ITGA11: variants seen among roughly 807,000 people sequenced by gnomAD.
ITGA11 encodes integrin alpha-11.
A neutral mutation model predicts 141.9 loss-of-function variants in ITGA11; 97 were observed. That is an observed-to-expected ratio of 0.68 (90% CI 0.58 to 0.81). The LOEUF is 0.81. Ranked by LOEUF, ITGA11 falls within the 30% of genes least tolerant of loss-of-function variation. The probability of loss-of-function intolerance (pLI) is 0.00; values close to 1 mark genes in which losing one functional copy is unlikely to be tolerated. For synonymous variants in ITGA11, 658 were observed against 624.6 expected, an observed-to-expected ratio of 1.05 and a Z score of -0.80; for missense variants, 1,387 against 1,559.2, an observed-to-expected ratio of 0.89 and a Z score of 1.86.
At chr15:68,398,830 T>C (rs983816096) in intron 2 of ITGA11, among the ~76,000 whole-genome samples, 2 of 182 alleles carry the variant, frequency 0.011, no homozygotes, top group Non-Finnish European at 0.029. Flanking sequence ...GTATAAAATA[T>C]AAATATTTTA....
In ITGA11 at chr15:68,335,200, G is replaced by A. The variant is rs1454468670; in HGVS notation, c.1425+497C>T. Among the ~76,000 whole-genome samples, 1 of 152,156 alleles carries A rather than the reference G, an allele frequency of 6.6e-6. No individual in the cohort carries two copies. Among genetic ancestry groups the A allele is most frequent in the Non-Finnish European group, 1.5e-5 (1 of 68,030 alleles). On this transcript the variant is annotated intron_variant, in intron 12 of 29. Transcript: ENST00000315757. This position sits in a 1 kb window ranked among gnomAD's most constrained non-coding sequence, Gnocchi z 4.9. ...ATTTGGGGTCAGGAGGTGGCATGAT[G>A]CAGGCAGCCCCACCAAGAGGGTTCT... is the stretch of plus-strand genomic sequence containing the variant.
At position 68,335,203 on chromosome 15, in the gene ITGA11, G is replaced by T. The variant is rs894100637; in HGVS notation, c.1425+494C>A. On this transcript the variant is annotated intron_variant, in intron 12 of 29. Transcript: ENST00000315757. This position sits in a 1 kb window ranked among gnomAD's most constrained non-coding sequence, Gnocchi z 4.9. Reference sequence around the variant, plus strand: ...TGGGGTCAGGAGGTGGCATGATGCAGGCAGCCCCACCAAGAGGGTTCTTGG... The same window carrying T: ...TGGGGTCAGGAGGTGGCATGATGCATGCAGCCCCACCAAGAGGGTTCTTGG... Among the ~76,000 whole-genome samples the T allele has an allele frequency of 3.3e-4, 50 of 152,242 alleles. No homozygotes were observed. The highest frequency in any genetic ancestry group is 1.2e-3 in the African/African-American group (48 of 41,532).
chr15:68,303,266 C>G lies in ITGA11; in HGVS notation c.3496-136G>C, dbSNP rs1893087772. The G allele has an allele frequency of 1.6e-5, 12 of 730,196 alleles. No individual in the cohort carries two copies. The highest frequency in any genetic ancestry group is 3.3e-4 in the Middle Eastern group (1 of 2,996). 45.2% of individuals were successfully genotyped at this position (730,196 alleles called of 1,614,324 possible). ...GTACCCCCAGCTCATTCTGAGCACC[C>G]CCTCCTCCAGAACTGCCTCTGTGGA... On this transcript the variant is annotated intron_variant, in intron 29 of 29. Coordinates refer to ENST00000315757, the MANE Select transcript of ITGA11 (RefSeq NM_001004439.2). This position sits in a 1 kb window ranked among gnomAD's most constrained non-coding sequence, Gnocchi z 5.3.
intron 2 of ITGA11, among the ~76,000 whole-genome samples, chr15:68,369,720 A>G (rs1895529529): frequency 6.6e-6 from 1 of 152,210 alleles, no homozygotes; most frequent in African/African-American, 2.4e-5. Flanking sequence ...CATTACCTGA[A>G]AGGGCCCTCA....
chr15:68,318,631 A>G (rs967485432), intron 20 of ITGA11, among the ~76,000 whole-genome samples: 5 of 152,064 alleles, frequency 3.3e-5, no homozygotes, highest in Admixed American at 6.5e-5. Flanking sequence ...GGAAGGGGGT[A>G]CCCGAGTAGG....
chr15:68,325,523 C>T lies in ITGA11; in HGVS notation c.2212-282G>A, dbSNP rs775270685. On this transcript the variant is annotated intron_variant, in intron 17 of 29. Transcript: ENST00000315757. This position sits in a 1 kb window ranked among gnomAD's most constrained non-coding sequence, Gnocchi z 5.5. Reference sequence around the variant, plus strand: ...CCTTCGGGGCCAGACTCCCATTGCCCGGGTACCTCGGCCTCTGGGAAGCCT... The same window carrying T: ...CCTTCGGGGCCAGACTCCCATTGCCTGGGTACCTCGGCCTCTGGGAAGCCT... Among the ~76,000 whole-genome samples, 5 of 152,224 alleles carry T rather than the reference C, an allele frequency of 3.3e-5. No homozygotes were observed. Among genetic ancestry groups the T allele is most frequent in the Admixed American group, 2.0e-4 (3 of 15,288 alleles).
chr15:68,314,162 C>T (rs1319095364), intron 22 of ITGA11, among the ~76,000 whole-genome samples: 3 of 152,200 alleles, frequency 2.0e-5, no homozygotes, highest in Non-Finnish European at 4.4e-5. Flanking sequence ...CTGTTTGCCT[C>T]CCTCACCCAG....
chr15:68,331,677 A>G (rs1466752745), intron 14 of ITGA11, among the ~76,000 whole-genome samples, 182 bp downstream of exon 14: 1 of 151,814 alleles, frequency 6.6e-6, no homozygotes, highest in Non-Finnish European at 1.5e-5. Context: ...GAGGGTCCTG[A>G]AGGTAAAATG....
At chr15:68,369,054 T>C (rs1260543005) in intron 3 of ITGA11, 130 bp downstream of exon 3, 6 of 683,068 alleles carry the variant, frequency 8.8e-6, no homozygotes, top group Non-Finnish European at 1.3e-5. Flanking sequence ...GGGGCAGTGA[T>C]ATCAGCTGGG....
At chr15:68,372,313 G>T (rs1035809827) in intron 2 of ITGA11, among the ~76,000 whole-genome samples, 1 of 151,792 alleles carries the variant, frequency 6.6e-6, no homozygotes, top group African/African-American at 2.4e-5. Flanking sequence ...ATTGCCTGGG[G>T]TCTGGCAGCC....
chr15:68,307,688 G>T lies in ITGA11; in HGVS notation c.3183C>A (p.Ser1061Arg). The stretch of plus-strand genomic sequence containing the variant: ...AGTTGATGGAGACGACATCAGAGTT[G>T]CTGTGATTCTGAAAGAGAAGATGGG... ...DLRRAPQLNH[S>R]NSDVVSINCN... is the part of the protein sequence containing the mutation. Residue 1061 changes from serine to arginine, a missense_variant, in exon 27 of 30, where the codon AGC becomes AGA. By Grantham distance (110) the Ser-to-Arg change is moderately radical. Coordinates refer to ENST00000315757, the MANE Select transcript of ITGA11 (RefSeq NM_001004439.2). This position sits in a 1 kb window ranked among gnomAD's most constrained non-coding sequence, Gnocchi z 6.1. 6.2e-7 allele frequency: 1 copy of T among 1,612,200 alleles called. No homozygotes were observed. Among genetic ancestry groups the T allele is most frequent in the Non-Finnish European group, 8.5e-7 (1 of 1,178,394 alleles).
chr15:68,414,858 G>A (rs1223293242), intron 1 of ITGA11, among the ~76,000 whole-genome samples: 2 of 152,170 alleles, frequency 1.3e-5, no homozygotes, highest in Non-Finnish European at 2.9e-5. Flanking sequence ...CCACGGCTTA[G>A]CGCCCAGCCG....
At chr15:68,310,131 T>C (rs1470949759) in intron 26 of ITGA11, among the ~76,000 whole-genome samples, 1 of 152,228 alleles carries the variant, frequency 6.6e-6, no homozygotes, top group Non-Finnish European at 1.5e-5. Context: ...GTAATCCTGA[T>C]TATTCTGTCA....
chr15:68,343,902 C>T (rs1272155890), intron 10 of ITGA11, among the ~76,000 whole-genome samples: 2 of 152,194 alleles, frequency 1.3e-5, no homozygotes, highest in South Asian at 2.1e-4. Flanking sequence ...GAAACAGCCC[C>T]TCTGCCTTTC....
intron 10 of ITGA11, among the ~76,000 whole-genome samples, chr15:68,339,928 G>A (rs561704157): frequency 6.6e-6 from 1 of 152,208 alleles, no homozygotes; most frequent in Non-Finnish European, 1.5e-5. Flanking sequence ...CTAAATCCAG[G>A]GCCAAACCTC....
At chr15:68,426,638 C>T (rs1897149409) in intron 1 of ITGA11, among the ~76,000 whole-genome samples, 1 of 152,152 alleles carries the variant, frequency 6.6e-6, no homozygotes, top group Non-Finnish European at 1.5e-5. Context: ...TCCCCAATTC[C>T]TCCATTTCTC....
At chr15:68,398,158 A>T (rs1896368079) in intron 2 of ITGA11, among the ~76,000 whole-genome samples, 1 of 151,982 alleles carries the variant, frequency 6.6e-6, no homozygotes, top group Admixed American at 6.6e-5. Flanking sequence ...TAACAATATT[A>T]ACTTTAAATG....
chr15:68,319,046 C>T (rs928412558), intron 20 of ITGA11, among the ~76,000 whole-genome samples: 1 of 152,220 alleles, frequency 6.6e-6, no homozygotes, highest in Non-Finnish European at 1.5e-5. Flanking sequence ...TTCTTCAGAG[C>T]ACATGAAGGG....
intron 10 of ITGA11, among the ~76,000 whole-genome samples, chr15:68,344,118 G>C (rs576508855): frequency 6.6e-6 from 1 of 152,118 alleles, no homozygotes; most frequent in Non-Finnish European, 1.5e-5. Context: ...AGGAGGACCC[G>C]AATGAACCAG....
Sources: gnomAD v4.1 joint callset for allele counts (sites outside exome capture counted in the v4.1 genomes callset) on GRCh38, gnomAD v4.1.1 for gene constraint, Gnocchi (gnomAD v3.1) non-coding constraint, MANE v1.5 for transcripts, NCBI Gene and HGNC (gene_info 2026-07-23, HGNC 2026-07-21) for gene names.